TNIK: variants seen among roughly 807,000 people sequenced by gnomAD.
TNIK encodes the protein TRAF2 and NCK interacting kinase.
In TNIK, 49 loss-of-function variants were observed where a neutral mutation model predicts 191.3. The observed-to-expected ratio is 0.26, with a 90% confidence interval of 0.20 to 0.32. The LOEUF is 0.32. TNIK is among the 10% of genes least tolerant of loss of function. The pLI, the probability that TNIK is intolerant of heterozygous loss-of-function variation, is 1.00. For synonymous variants in TNIK, 594 were observed against 600.9 expected, an observed-to-expected ratio of 0.99 and a Z score of 0.17; for missense variants, 1,155 against 1,702.3, an observed-to-expected ratio of 0.68 and a Z score of 5.66.
intron 2 of TNIK, among the ~76,000 whole-genome samples, chr3:171,346,765 C>A (rs1294518756): frequency 6.6e-6 from 1 of 151,990 alleles, no homozygotes; most frequent in South Asian, 2.1e-4. Flanking sequence ...CAGGAGGAAG[C>A]AAATTAGGTT....
chr3:171,336,869 C>T (rs1560446103), intron 2 of TNIK, among the ~76,000 whole-genome samples: 1 of 152,162 alleles, frequency 6.6e-6, no homozygotes, highest in African/African-American at 2.4e-5. Flanking sequence ...AGTAAGACCT[C>T]AACTTTCCTT....
chr3:171,067,234 A>T (rs761274877), intron 30 of TNIK, among the ~76,000 whole-genome samples: 1 of 152,180 alleles, frequency 6.6e-6, no homozygotes, highest in Non-Finnish European at 1.5e-5. Context: ...TCTAATGGAG[A>T]TAGCTTAAGT....
chr3:171,351,600 CAG>C (rs1577591171), intron 2 of TNIK, among the ~76,000 whole-genome samples: 1 of 152,226 alleles, frequency 6.6e-6, no homozygotes, highest in East Asian at 1.9e-4. Context: ...TCTTGAAGGA[CAG>C]AGTTTCAGGG....
At chr3:171,417,059 T>A (rs1723176689) in intron 1 of TNIK, among the ~76,000 whole-genome samples, 1 of 152,226 alleles carries the variant, frequency 6.6e-6, no homozygotes, top group East Asian at 1.9e-4. Flanking sequence ...AATTTTTAAA[T>A]GACCCTGAAT....
intron 1 of TNIK, among the ~76,000 whole-genome samples, chr3:171,412,348 A>C (rs1722526284): frequency 6.6e-6 from 1 of 152,222 alleles, no homozygotes; most frequent in Admixed American, 6.5e-5. Flanking sequence ...ATAGCTAATT[A>C]GAGTTTTCAA....
At chr3:171,227,130 T>A (rs905120851) in intron 3 of TNIK, among the ~76,000 whole-genome samples, 27 of 152,194 alleles carry the variant, frequency 1.8e-4, no homozygotes, top group African/African-American at 6.5e-4. Context: ...ATGCCTTTGA[T>A]GTCCAGTGAA....
intron 2 of TNIK, among the ~76,000 whole-genome samples, chr3:171,273,055 C>A (rs765152268): frequency 2.0e-5 from 3 of 152,216 alleles, no homozygotes; most frequent in Non-Finnish European, 4.4e-5. Context: ...GCTGCTAGGG[C>A]CAGTGTGGCG....
chr3:171,329,356 T>C (rs1756160055), intron 2 of TNIK, among the ~76,000 whole-genome samples: 2 of 92,872 alleles, frequency 2.2e-5, no homozygotes, highest in Admixed American at 1.4e-4. Flanking sequence ...CACTAATATA[T>C]ATCAAAAATA....
At chr3:171,178,957 C>T (rs940799717) in intron 7 of TNIK, among the ~76,000 whole-genome samples, 13 of 152,248 alleles carry the variant, frequency 8.5e-5, no homozygotes, top group Middle Eastern at 3.4e-3. Context: ...TGAAATGACA[C>T]TCAGGGCTCT....
intron 13 of TNIK, 88 bp from the exon 14 acceptor site, chr3:171,139,644 G>A (rs1576936774): frequency 7.7e-7 from 1 of 1,301,712 alleles, no homozygotes; most frequent in African/African-American, 1.5e-5. Context: ...GAGCCGCTAA[G>A]TAAAGTGTAG....
intron 1 of TNIK, among the ~76,000 whole-genome samples, chr3:171,415,994 A>AAAAG (rs1298181796): frequency 8.6e-6 from 1 of 116,532 alleles, no homozygotes; most frequent in East Asian, 2.5e-4. Flanking sequence ...AAAAAAAAAA[A>AAAAG]AAAGAAAGAA....
chr3:171,060,638 G>A lies in TNIK; in HGVS notation c.*3243C>T, dbSNP rs529649175. On this transcript the variant is annotated 3_prime_UTR_variant, in exon 33 of 33. Transcript: ENST00000436636. ...TGTTCAATTTTATGTGGAACTTAGTGAAGGCTGTCTTCATTTGCATTGTGT... is the reference window on the plus strand; with the variant it reads ...TGTTCAATTTTATGTGGAACTTAGTAAAGGCTGTCTTCATTTGCATTGTGT... Among the ~76,000 whole-genome samples, 8 of 152,316 alleles carry A rather than the reference G, an allele frequency of 5.3e-5. No individual in the cohort carries two copies. In the East Asian group the frequency reaches 1.5e-3, roughly 29 times the overall value.
rs1454535979 is a variant in TNIK, at chr3:171,140,507, T to C, written c.1224A>G (p.Gln408=). 1.9e-6 allele frequency: 3 copies of C among 1,613,368 alleles called. No homozygotes were observed. The highest frequency in any genetic ancestry group is 4.5e-5 in the East Asian group (2 of 44,852). The change falls in exon 13 of 33, where the codon CAA becomes CAG. Residue 408 remains glutamine, a splice_region_variant and synonymous_variant. Transcript: ENST00000436636. The part of the protein sequence containing the change: ...QKEQRRRLEE[Q]QRREKELRKQ... ...TCCGCAGCTCCTTCTCTCGCCTTTG[T>C]TGCTGTGGGGCAACAAGCAGACAAC...
At chr3:171,128,570 G>T in intron 16 of TNIK, 144 bp downstream of exon 16, 1 of 1,035,088 alleles carries the variant, frequency 9.7e-7, no homozygotes, top group Non-Finnish European at 1.3e-6. Context: ...AATCAGTGGG[G>T]CCACCTATTT....
intron 2 of TNIK, among the ~76,000 whole-genome samples, chr3:171,277,368 TATTTC>T (rs1749874871): frequency 6.6e-6 from 1 of 152,134 alleles, no homozygotes; most frequent in Non-Finnish European, 1.5e-5. Context: ...AATAAAAGCC[TATTTC>T]ATTGAGATTT....
At chr3:171,091,364 A>G (rs1722030069) in intron 23 of TNIK, among the ~76,000 whole-genome samples, 1 of 152,180 alleles carries the variant, frequency 6.6e-6, no homozygotes, top group Non-Finnish European at 1.5e-5. Flanking sequence ...ATTTATACCA[A>G]CAGCTTCCCT....
intron 2 of TNIK, among the ~76,000 whole-genome samples, chr3:171,355,096 A>G (rs1045470053): frequency 1.6e-4 from 24 of 152,128 alleles, no homozygotes; most frequent in African/African-American, 5.8e-4. Flanking sequence ...CGTCTTATTC[A>G]AGCAAATCTT....
rs1047648626 is a variant in TNIK at position 171,103,882 on chromosome 3, T to C, written c.2407-2249A>G. On this transcript the variant is annotated intron_variant, in intron 21 of 32. Transcript: ENST00000436636. ...TAAAAAATCAAAATTATTTTAGAAATATTTAGTCCACAGGCTACTGATTTA... is the reference window on the plus strand; with the variant it reads ...TAAAAAATCAAAATTATTTTAGAAACATTTAGTCCACAGGCTACTGATTTA... Among the ~76,000 whole-genome samples the C allele has an allele frequency of 5.2e-4, 79 of 152,222 alleles. 2 individuals carry two copies. Among genetic ancestry groups the C allele is most frequent in the Non-Finnish European group, 1.9e-4 (13 of 67,958 alleles).
At chr3:171,302,056 A>C (rs1752943443) in intron 2 of TNIK, among the ~76,000 whole-genome samples, 1 of 151,540 alleles carries the variant, frequency 6.6e-6, no homozygotes, top group South Asian at 2.1e-4. Context: ...TGTACATTGT[A>C]TTACTCTCAC....
Sources: gnomAD v4.1 joint callset for allele counts (sites outside exome capture counted in the v4.1 genomes callset) on GRCh38, gnomAD v4.1.1 for gene constraint, MANE v1.5 for transcripts, NCBI Gene and HGNC (gene_info 2026-07-23, HGNC 2026-07-21) for gene names.